Variants in TRIP4 observed in about 807,000 individuals in gnomAD.
TRIP4 encodes the protein thyroid hormone receptor interactor 4, also known as activating signal cointegrator 1.
A neutral mutation model predicts 81.8 loss-of-function variants in TRIP4; 54 were observed. The observed-to-expected ratio is 0.66, with a 90% CI of 0.53 to 0.83. The LOEUF is 0.83. Among genes scored for constraint, TRIP4 ranks in the 40% least tolerant of loss-of-function variants. TRIP4 has a pLI of 0.00. For missense variants in TRIP4, 662 were observed against 683.6 expected, an observed-to-expected ratio of 0.97 and a Z score of 0.35; for synonymous variants, 270 against 242.8, an observed-to-expected ratio of 1.11 and a Z score of -1.04.
intron 11 of TRIP4, among the ~76,000 whole-genome samples, chr15:64,430,340 G>T (rs145889823): frequency 6.6e-6 from 1 of 152,200 alleles, no homozygotes; most frequent in Non-Finnish European, 1.5e-5. Context: ...GAGCCATCTC[G>T]TTAAAGCTTC....
At chr15:64,436,101 C>G (rs1400174514) in intron 11 of TRIP4, among the ~76,000 whole-genome samples, 1 of 151,908 alleles carries the variant, frequency 6.6e-6, no homozygotes, top group African/African-American at 2.4e-5. Flanking sequence ...TCGAGACCAG[C>G]CTGACCAACA....
At chr15:64,424,744 A>G (rs571479007) in intron 10 of TRIP4, among the ~76,000 whole-genome samples, 2 of 152,310 alleles carry the variant, frequency 1.3e-5, no homozygotes, top group Admixed American at 1.3e-4. Context: ...AATCACTAGG[A>G]ATAAAAAGTT....
At position 64,448,796 on chromosome 15, in the gene TRIP4, GAA is replaced by G. The variant is rs1403656414; in HGVS notation, c.1678+3691_1678+3692del. Among the ~76,000 whole-genome samples the G allele has an allele frequency of 2.0e-5, 3 of 152,074 alleles. No homozygotes were observed. In the South Asian group the frequency reaches 6.2e-4, roughly 31 times the overall value. ...GGATAACCTCCAGTAGTTTAAGCTG[GAA>G]AAGTCTTTAATCCCAGTTACATTGG... On this transcript the variant is annotated intron_variant, in intron 12 of 12. Coordinates refer to ENST00000261884, the MANE Select transcript of TRIP4 (RefSeq NM_016213.5).
chr15:64,429,326 T>A (rs1031406914), intron 11 of TRIP4, among the ~76,000 whole-genome samples: 1 of 151,704 alleles, frequency 6.6e-6, no homozygotes, highest in Non-Finnish European at 1.5e-5. Flanking sequence ...TCAAAAAAAA[T>A]AAAATAAAAA....
intron 5 of TRIP4, among the ~76,000 whole-genome samples, chr15:64,405,194 G>A (rs1467457120): frequency 1.4e-5 from 2 of 146,364 alleles, no homozygotes; most frequent in African/African-American, 5.1e-5. Context: ...TTGCTCTGTC[G>A]CCCAAGCTGG....
At chr15:64,395,921 T>G (rs1334602363) in intron 3 of TRIP4, among the ~76,000 whole-genome samples, 1 of 151,760 alleles carries the variant, frequency 6.6e-6, no homozygotes, top group East Asian at 1.9e-4. Flanking sequence ...TCTTTTTTTT[T>G]TTTTTGAGAC....
chr15:64,420,313 G>T (rs1891983514), intron 9 of TRIP4, among the ~76,000 whole-genome samples: 2 of 151,196 alleles, frequency 1.3e-5, no homozygotes, highest in African/African-American at 2.4e-5. Context: ...TAGAGACGAG[G>T]TTTCTCCATG....
intron 5 of TRIP4, among the ~76,000 whole-genome samples, chr15:64,401,962 C>T (rs1283326453): frequency 6.6e-6 from 1 of 152,006 alleles, no homozygotes; most frequent in Non-Finnish European, 1.5e-5. Context: ...TATATGACGA[C>T]TAATTGCAGT....
rs530028068 is a variant in TRIP4 at position 64,405,044 on chromosome 15, T to C, written c.698-1286T>C. On this transcript the variant is annotated intron_variant, in intron 5 of 12. Transcript: ENST00000261884. ...ATCTATGGCTCTCTTTTCTGGGATATACAAATTTACAATATGCTGTCAAAG... is the reference window on the plus strand; with the variant it reads ...ATCTATGGCTCTCTTTTCTGGGATACACAAATTTACAATATGCTGTCAAAG... Among the ~76,000 whole-genome samples, 24 of 152,244 alleles carry C rather than the reference T, an allele frequency of 1.6e-4. No individual in the cohort carries two copies. The South Asian group carries it at 5.0e-3, about 32-fold the overall frequency.
chr15:64,405,409 C>T (rs577504222), intron 5 of TRIP4, among the ~76,000 whole-genome samples: 1 of 152,274 alleles, frequency 6.6e-6, no homozygotes, highest in African/African-American at 2.4e-5. Flanking sequence ...CCGCCTCAGC[C>T]TCCCAAAGTG....
intron 6 of TRIP4, among the ~76,000 whole-genome samples, chr15:64,408,417 C>T (rs1056066337): frequency 2.0e-5 from 3 of 151,848 alleles, no homozygotes; most frequent in African/African-American, 7.2e-5. Context: ...CGCCACTACG[C>T]CCAGCTAATT....
intron 4 of TRIP4, among the ~76,000 whole-genome samples, chr15:64,399,594 C>G (rs1891441562): frequency 6.6e-6 from 1 of 152,028 alleles, no homozygotes; most frequent in Admixed American, 6.6e-5. Flanking sequence ...CTCCTGGGTT[C>G]AAGTTCAAGT....
chr15:64,418,534 T>C lies in TRIP4; in HGVS notation c.1171-7T>C. On this transcript the variant is annotated splice_polypyrimidine_tract_variant and splice_region_variant and intron_variant, in intron 8 of 12. Transcript: ENST00000261884. ...AGATAGAACTGTATGTTTGTTTTTC[T>C]GTGTAGTGGGTTGACCACACAGGTG... The C allele has an allele frequency of 1.2e-6, 2 of 1,601,600 alleles. No homozygotes were observed. Among genetic ancestry groups the C allele is most frequent in the Non-Finnish European group, 1.7e-6 (2 of 1,174,430 alleles).
intron 6 of TRIP4, among the ~76,000 whole-genome samples, 166 bp downstream of exon 6, chr15:64,406,625 C>T (rs778175904): frequency 3.3e-5 from 5 of 152,156 alleles, no homozygotes; most frequent in Non-Finnish European, 7.3e-5. Context: ...TTTTAATCCA[C>T]GGTTGAATAA....
intron 9 of TRIP4, among the ~76,000 whole-genome samples, chr15:64,423,508 T>G (rs897743622): frequency 6.7e-6 from 1 of 148,970 alleles, no homozygotes; most frequent in Non-Finnish European, 1.5e-5. Flanking sequence ...GTGGTTCTAA[T>G]TGAAGAGTAA....
Position 64,397,684 on chromosome 15 carries a change from G to A in TRIP4, c.484G>A (p.Ala162Thr). The A allele has an allele frequency of 6.2e-7, 1 of 1,614,200 alleles. No individual in the cohort carries two copies. Among genetic ancestry groups the A allele is most frequent in the Non-Finnish European group, 8.5e-7 (1 of 1,180,020 alleles). The change falls in exon 4 of 13, where the codon GCA becomes ACA. Residue 162 changes from alanine to threonine, a missense_variant. Ala to Thr is a moderately conservative substitution (Grantham distance 58, BLOSUM62 0). Transcript: ENST00000261884. ...CACAAGAGAGGGACAGGACAGGCTT[G>A]CAGTCCTGCTCCCTGGTCGTCACCC... ...LYTREGQDRL[A>T]VLLPGRHPCD...
intron 8 of TRIP4, among the ~76,000 whole-genome samples, chr15:64,417,939 T>A (rs1891923984): frequency 6.6e-6 from 1 of 152,210 alleles, no homozygotes. Context: ...TATAGCTCTT[T>A]TGGTGTGATA....
chr15:64,405,808 A>G (rs949280566), intron 5 of TRIP4, among the ~76,000 whole-genome samples: 4 of 152,150 alleles, frequency 2.6e-5, no homozygotes, highest in African/African-American at 4.8e-5. Context: ...CAGCCTGAGC[A>G]ACATAGTGAG....
At chr15:64,448,106 A>C (rs1892674533) in intron 12 of TRIP4, among the ~76,000 whole-genome samples, 1 of 152,094 alleles carries the variant, frequency 6.6e-6, no homozygotes, top group South Asian at 2.1e-4. Flanking sequence ...TGGTGGCAAC[A>C]CTGGTGGTAG....
Sources: gnomAD v4.1 joint callset for allele counts (sites outside exome capture counted in the v4.1 genomes callset) on GRCh38, gnomAD v4.1.1 for gene constraint, MANE v1.5 for transcripts, NCBI Gene and HGNC (gene_info 2026-07-23, HGNC 2026-07-21) for gene names.